The following NUBPL variants were observed in gnomAD, a reference collection of about 807,000 sequenced individuals.
The protein encoded by NUBPL is NUBP iron-sulfur cluster assembly factor, mitochondrial.
In NUBPL, 31 loss-of-function variants were observed where a neutral mutation model predicts 45.7. The observed-to-expected ratio is 0.68, with a 90% CI of 0.51 to 0.92. The LOEUF (loss-of-function observed/expected upper bound fraction) is 0.92, where lower values mean the gene tolerates loss of function less well. Ranked by LOEUF, NUBPL falls within the 40% of genes least tolerant of loss-of-function variation. The pLI is 0.00. For missense variants in NUBPL, 401 were observed against 398.7 expected (o/e 1.01, Z -0.05); for synonymous variants, 144 against 140.9 (o/e 1.02, Z -0.15).
intron 3 of NUBPL, among the ~76,000 whole-genome samples, chr14:31,578,548 T>A (rs774011077): frequency 1.3e-5 from 2 of 152,208 alleles, no homozygotes; most frequent in Non-Finnish European, 2.9e-5. Context: ...GAAAACACTT[T>A]TAAAGAACCT....
In NUBPL at chr14:31,561,445, G is replaced by T; in HGVS notation, c.6G>T (p.Gly2=). The change falls in exon 1 of 11, where the codon GGG becomes GGT. Residue 2 remains glycine (G), a synonymous_variant. Coordinates refer to ENST00000281081, the MANE Select transcript of NUBPL (RefSeq NM_025152.3). ...TCACAGCAGCGTTCCGCGTCATGGG[G>T]ATTTGGCAGCGTCTGCTGCTTTTTG... is the stretch of plus-strand genomic sequence containing the variant. M[G]IWQRLLLFGG... 2 of 1,415,106 alleles carry T rather than the reference G, an allele frequency of 1.4e-6. No homozygotes were observed. Among genetic ancestry groups the T allele is most frequent in the South Asian group, 1.7e-5 (1 of 58,296 alleles). 87.7% of individuals were successfully genotyped at this position (1,415,106 alleles called of 1,614,324 possible). A position where few individuals can be genotyped will look rare whatever the true frequency, so the allele number is the denominator to read the frequency against.
intron 7 of NUBPL, among the ~76,000 whole-genome samples, chr14:31,825,976 C>A (rs1352865851): frequency 6.6e-6 from 1 of 151,990 alleles, no homozygotes; most frequent in Non-Finnish European, 1.5e-5. Flanking sequence ...GCACATGTCA[C>A]CATGCCTGGC....
At chr14:31,618,137 T>A (rs1049939620) in intron 4 of NUBPL, among the ~76,000 whole-genome samples, 2 of 152,222 alleles carry the variant, frequency 1.3e-5, no homozygotes, top group African/African-American at 2.4e-5. Context: ...TTATCTTTTT[T>A]AATTGCATCT....
intron 8 of NUBPL, among the ~76,000 whole-genome samples, chr14:31,834,867 A>C (rs529224379): frequency 1.3e-5 from 2 of 152,334 alleles, no homozygotes; most frequent in African/African-American, 4.8e-5. Flanking sequence ...AGCTTTCCAG[A>C]GCCCGTATTC....
At chr14:31,651,929 C>G (rs1367690362) in intron 4 of NUBPL, among the ~76,000 whole-genome samples, 22 of 150,716 alleles carry the variant, frequency 1.5e-4, no homozygotes, top group Admixed American at 1.4e-3. Flanking sequence ...AAAGAAAAAT[C>G]TGCAAAGGAT....
intron 7 of NUBPL, among the ~76,000 whole-genome samples, chr14:31,806,633 A>C (rs1330870830): frequency 6.6e-6 from 1 of 151,934 alleles, no homozygotes; most frequent in African/African-American, 2.4e-5. Context: ...GATTTTTCTT[A>C]TTATACTTTA....
At chr14:31,807,514 G>T (rs2039713316) in intron 7 of NUBPL, among the ~76,000 whole-genome samples, 2 of 152,128 alleles carry the variant, frequency 1.3e-5, no homozygotes, top group Admixed American at 6.5e-5. Context: ...TGTAGATTCT[G>T]GATATTAGCC....
intron 6 of NUBPL, chr14:31,771,782 C>T: frequency 3.0e-6 from 2 of 670,308 alleles, no homozygotes; most frequent in Non-Finnish European, 3.7e-6. Flanking sequence ...TTGTGCTCTC[C>T]TTTACCTATT....
intron 6 of NUBPL, among the ~76,000 whole-genome samples, chr14:31,748,606 T>C (rs8021182): frequency 6.6e-6 from 1 of 151,324 alleles, no homozygotes; most frequent in African/African-American, 2.5e-5. Flanking sequence ...TAGTTCTTCC[T>C]GCTTTGTTAT....
At chr14:31,721,689 G>A (rs1413371053) in intron 6 of NUBPL, among the ~76,000 whole-genome samples, 2 of 151,566 alleles carry the variant, frequency 1.3e-5, no homozygotes, top group African/African-American at 4.9e-5. Flanking sequence ...CTCATGTCCC[G>A]GGGGTTTGTT....
chr14:31,622,366 G>GT (rs954981628), intron 4 of NUBPL, among the ~76,000 whole-genome samples: 7 of 152,034 alleles, frequency 4.6e-5, no homozygotes, highest in South Asian at 2.1e-4. Flanking sequence ...AGCAAAACTC[G>GT]TTTTTTTGGG....
At position 31,600,343 on chromosome 14, in the gene NUBPL, A is replaced by G. The variant is rs555302011; in HGVS notation, c.382+964A>G. 1.1e-3 allele frequency among the ~76,000 whole-genome samples: 161 copies of G among 152,208 alleles called. 1 individual carries two copies. Among genetic ancestry groups the G allele is most frequent in the African/African-American group, 3.8e-3 (156 of 41,508 alleles). On this transcript the variant is annotated intron_variant, in intron 4 of 10. Transcript: ENST00000281081. ...AGCTCAGGGCACAAGGCAGGAATCA[A>G]CCCTGGAAAGGAGGCCATTCCATTG...
At chr14:31,661,841 A>G (rs1367193007) in intron 4 of NUBPL, among the ~76,000 whole-genome samples, 5 of 152,150 alleles carry the variant, frequency 3.3e-5, no homozygotes, top group African/African-American at 9.7e-5. Context: ...CACCTGGCCC[A>G]TTTCTGGTAA....
At chr14:31,690,495 T>C (rs1260083768) in intron 6 of NUBPL, among the ~76,000 whole-genome samples, 3 of 152,160 alleles carry the variant, frequency 2.0e-5, no homozygotes, top group African/African-American at 7.2e-5. Context: ...ACACAACATC[T>C]TTAATGTATC....
At chr14:31,814,851 G>T (rs1367211893) in intron 7 of NUBPL, among the ~76,000 whole-genome samples, 5 of 152,108 alleles carry the variant, frequency 3.3e-5, no homozygotes, top group Non-Finnish European at 7.4e-5. Flanking sequence ...GGTTGTAGAT[G>T]TATGGTGTTA....
chr14:31,672,671 C>T (rs967528263), intron 4 of NUBPL, among the ~76,000 whole-genome samples: 3 of 152,096 alleles, frequency 2.0e-5, no homozygotes, highest in Non-Finnish European at 2.9e-5. Flanking sequence ...CCATGTTGGC[C>T]AGGCTGGTCT....
chr14:31,725,492 A>C (rs572535534), intron 6 of NUBPL, among the ~76,000 whole-genome samples: 2 of 152,200 alleles, frequency 1.3e-5, no homozygotes, highest in Middle Eastern at 6.8e-3. Flanking sequence ...TGAGGATGGG[A>C]TCCAAGTCTA....
At chr14:31,761,335 C>T (rs762399688) in intron 6 of NUBPL, among the ~76,000 whole-genome samples, 7 of 152,056 alleles carry the variant, frequency 4.6e-5, no homozygotes, top group Non-Finnish European at 7.4e-5. Flanking sequence ...CCACCATGCG[C>T]GGCTAATTTT....
chr14:31,710,242 C>T (rs1177936229), intron 6 of NUBPL, among the ~76,000 whole-genome samples: 2 of 152,092 alleles, frequency 1.3e-5, no homozygotes, highest in African/African-American at 4.8e-5. Context: ...ATCTGAATGA[C>T]AAAACCGCCC....
Sources: allele counts gnomAD v4.1 joint callset (sites outside exome capture counted in the v4.1 genomes callset), GRCh38; gene constraint gnomAD v4.1.1; transcripts MANE v1.5; gene names NCBI Gene and HGNC (gene_info 2026-07-23, HGNC 2026-07-21).